The following LZTFL1 variants were observed in gnomAD, a reference collection of about 807,000 sequenced individuals.
LZTFL1 encodes the protein leucine zipper transcription factor-like protein 1.
A neutral mutation model predicts 45.9 loss-of-function variants in LZTFL1; 25 were observed. The observed-to-expected ratio is 0.54, with a 90% CI of 0.40 to 0.76. The LOEUF is 0.76. Ranked by LOEUF, LZTFL1 falls within the 30% of genes least tolerant of loss-of-function variation. The probability of loss-of-function intolerance (pLI) is 0.00; values close to 1 mark genes in which losing one functional copy is unlikely to be tolerated. For synonymous variants in LZTFL1, 93 were observed against 117.4 expected, an observed-to-expected ratio of 0.79 and a Z score of 1.35; for missense variants, 277 against 331.1, an observed-to-expected ratio of 0.84 and a Z score of 1.27.
At chr3:45,893,142 CCTCT>C (rs1050098172) in intron 2 of LZTFL1, among the ~76,000 whole-genome samples, 2 of 151,028 alleles carry the variant, frequency 1.3e-5, no homozygotes, top group South Asian at 2.1e-4. Context: ...ACTCCCCTTC[CCTCT>C]CTCTCTCTCT....
At chr3:45,836,909 A>G (rs1018993873) in intron 2 of LZTFL1, among the ~76,000 whole-genome samples, 9 of 152,140 alleles carry the variant, frequency 5.9e-5, no homozygotes, top group African/African-American at 1.4e-4. Context: ...TCCAGTTTCA[A>G]TGACAGTATC....
intron 2 of LZTFL1, among the ~76,000 whole-genome samples, chr3:45,881,119 A>T (rs2125726544): frequency 6.6e-6 from 1 of 152,364 alleles, no homozygotes; most frequent in East Asian, 1.9e-4. Flanking sequence ...CTGCAAGCAC[A>T]AAACCTCAGG....
chr3:45,848,641 C>T (rs1482191231), intron 4 of LZTFL1, among the ~76,000 whole-genome samples: 1 of 152,198 alleles, frequency 6.6e-6, no homozygotes, highest in Non-Finnish European at 1.5e-5. Context: ...TACATTAGTA[C>T]AAAGTGTACT....
intron 2 of LZTFL1, 114 bp from the exon 3 acceptor site, chr3:45,835,898 T>G (rs1371824836): frequency 4.6e-6 from 3 of 649,598 alleles, no homozygotes; most frequent in Non-Finnish European, 7.6e-6. Context: ...AAGATTACAG[T>G]GAAAATCTCT....
At chr3:45,865,870 C>T (rs936393926) in intron 2 of LZTFL1, among the ~76,000 whole-genome samples, 30 of 152,150 alleles carry the variant, frequency 2.0e-4, no homozygotes, top group African/African-American at 6.5e-4. Flanking sequence ...CTGTAATAAC[C>T]GAAAATCAGA....
intron 2 of LZTFL1, among the ~76,000 whole-genome samples, chr3:45,909,856 A>G (rs1471943922): frequency 6.6e-6 from 1 of 152,218 alleles, no homozygotes; most frequent in Non-Finnish European, 1.5e-5. Flanking sequence ...ACTTTTGGAA[A>G]CCAGGAAGTT....
intron 2 of LZTFL1, among the ~76,000 whole-genome samples, chr3:45,911,038 G>A (rs1575313855): frequency 6.6e-6 from 1 of 152,132 alleles, no homozygotes; most frequent in South Asian, 2.1e-4. Flanking sequence ...GAGGGCTCAA[G>A]GTACTCAGAC....
intron 2 of LZTFL1, among the ~76,000 whole-genome samples, chr3:45,893,016 A>G (rs1702235469): frequency 6.6e-6 from 1 of 152,206 alleles, no homozygotes; most frequent in Admixed American, 6.5e-5. Flanking sequence ...TAAAATGCAG[A>G]ATGTAAGTTC....
At chr3:45,829,399 T>C (rs1170413085) in intron 7 of LZTFL1, among the ~76,000 whole-genome samples, 5 of 152,000 alleles carry the variant, frequency 3.3e-5, no homozygotes, top group African/African-American at 1.2e-4. Context: ...GCCCAGGAAA[T>C]TGAGACCAGC....
chr3:45,889,344 G>A (rs992476636), intron 2 of LZTFL1, among the ~76,000 whole-genome samples: 1 of 152,074 alleles, frequency 6.6e-6, no homozygotes, highest in Admixed American at 6.5e-5. Flanking sequence ...GAAAGCTAGT[G>A]TACAACTTAG....
Position 45,827,340 on chromosome 3 carries a change from G to T in LZTFL1, c.881+16C>A. 1 of 1,538,802 alleles carries T rather than the reference G, an allele frequency of 6.5e-7. No individual in the cohort carries two copies. The highest frequency in any genetic ancestry group is 9.0e-7 in the Non-Finnish European group (1 of 1,111,714). On this transcript the variant is annotated intron_variant, in intron 9 of 9. Transcript: ENST00000296135. ...TCCAGAGAGAGAAATCCAAAGGCGGGATCAGTGTGGCTTACTGTGCCAGTC... is the reference window on the plus strand; with the variant it reads ...TCCAGAGAGAGAAATCCAAAGGCGGTATCAGTGTGGCTTACTGTGCCAGTC...
At chr3:45,897,427 C>T in intron 2 of LZTFL1, 1 of 683,176 alleles carries the variant, frequency 1.5e-6, no homozygotes, top group South Asian at 1.6e-5. Context: ...CCTGGGCTTC[C>T]AGCAGGACAC....
chr3:45,904,629 T>A (rs1702642841), intron 2 of LZTFL1, among the ~76,000 whole-genome samples: 3 of 152,248 alleles, frequency 2.0e-5, no homozygotes, highest in African/African-American at 7.2e-5. Flanking sequence ...CCCCAGGCCA[T>A]CGCCATTGCA....
upstream of LZTFL1, among the ~76,000 whole-genome samples, chr3:45,842,394 T>C (rs1701144737): frequency 6.6e-6 from 1 of 152,182 alleles, no homozygotes; most frequent in East Asian, 1.9e-4. Context: ...GAAGTTCTTG[T>C]CCAGAACTTC....
intron 2 of LZTFL1, among the ~76,000 whole-genome samples, chr3:45,881,144 CAT>C (rs1701851340): frequency 6.6e-6 from 1 of 152,216 alleles, no homozygotes; most frequent in Non-Finnish European, 1.5e-5. Context: ...GAGGATGACA[CAT>C]ATTTCCCTTA....
In LZTFL1 at chr3:45,901,475, C is replaced by T. The variant is rs1468625224; in HGVS notation, c.-215+11645G>A. The T allele has an allele frequency of 6.2e-7, 1 of 1,614,034 alleles. No individual in the cohort carries two copies. The highest frequency in any genetic ancestry group is 8.5e-7 in the Non-Finnish European group (1 of 1,180,028). ...TGGGGTTCTTCCTTCCCTTCGTGGT[C>T]ATGGCTTGCTGCTATACCATCATCA... On this transcript the variant is annotated intron_variant, in intron 2 of 4. Coordinates refer to the LZTFL1 transcript ENST00000472635. The surrounding 1 kb of genome is among the most constrained non-coding windows in gnomAD (Gnocchi z 4.3).
At position 45,837,990 on chromosome 3, in the gene LZTFL1, C is replaced by T. The variant is rs199559779; in HGVS notation, c.65G>A (p.Arg22His). The T allele has an allele frequency of 1.7e-5, 28 of 1,613,502 alleles. No homozygotes were observed. In the African/African-American group the frequency reaches 1.7e-4, roughly 10 times the overall value. ...TTTGAGTCTCAAGCCTCTCTTTGAA[C>T]GAGCAAAACGCATATAATTAATAAC... ...NEVINYMRFA[R>H]SKRGLRLKTV... Residue 22 changes from arginine to histidine, a missense_variant, in exon 2 of 10, where the codon CGT (arginine) becomes CAT (histidine). Transcript: ENST00000296135.
Position 45,835,599 on chromosome 3 carries a change from A to G in LZTFL1, c.314T>C (p.Leu105Pro). The G allele has an allele frequency of 6.2e-7, 1 of 1,613,632 alleles. No homozygotes were observed. The highest frequency in any genetic ancestry group is 8.5e-7 in the Non-Finnish European group (1 of 1,179,868). The stretch of plus-strand genomic sequence containing the variant: ...GTTCAAATTTTATTACCGGTTTTCA[A>G]GTTCAGAGATGTCTGTCTGTAGCTT... ...YLKLQTDISE[L>P]ENRELLEQVA... Residue 105 changes from leucine (L) to proline (P), a missense_variant, in exon 3 of 10, where the codon CTT (leucine) becomes CCT (proline). Coordinates refer to ENST00000296135, the MANE Select transcript of LZTFL1 (RefSeq NM_020347.4).
At position 45,835,682 on chromosome 3, in the gene LZTFL1, G is replaced by C. The variant is rs372188733; in HGVS notation, c.231C>G (p.Ala77=). The change falls in exon 3 of 10, where the codon GCC becomes GCG. Residue 77 remains alanine, a synonymous_variant. Transcript: ENST00000296135. ...GTCGCAGAAGTAACACATTGGTATA[G>C]GCAGTGTTGATGAGCTCAGATTCCA... ...SEVESELINT[A]YTNVLLLRQL... 10 of 1,613,752 alleles carry C rather than the reference G, an allele frequency of 6.2e-6. No homozygotes were observed. The South Asian group carries it at 1.1e-4, about 18-fold the overall frequency.
Sources: gnomAD v4.1 joint callset for allele counts (sites outside exome capture counted in the v4.1 genomes callset) on GRCh38, gnomAD v4.1.1 for gene constraint, Gnocchi (gnomAD v3.1) non-coding constraint, MANE v1.5 for transcripts, NCBI Gene and HGNC (gene_info 2026-07-23, HGNC 2026-07-21) for gene names.